The following RAPGEF4 variants were observed in gnomAD, a reference collection of about 807,000 sequenced individuals.
The protein encoded by RAPGEF4 is RAP guanine-nucleotide-exchange factor (GEF) 4.
In RAPGEF4, 66 loss-of-function variants were observed where a neutral mutation model predicts 147.9. The observed-to-expected ratio is 0.45, with a 90% CI of 0.37 to 0.55. The LOEUF (loss-of-function observed/expected upper bound fraction) is 0.55. Among genes scored for constraint, RAPGEF4 ranks in the 20% least tolerant of loss-of-function variants. The probability of loss-of-function intolerance (pLI) is 0.00; values close to 1 mark genes in which losing one functional copy is unlikely to be tolerated. For missense variants in RAPGEF4, 1,071 were observed against 1,257.3 expected, an observed-to-expected ratio of 0.85 and a Z score of 2.24; for synonymous variants, 419 against 442.7, an observed-to-expected ratio of 0.95 and a Z score of 0.67.
At chr2:172,754,247 A>G (rs1695559882) in intron 1 of RAPGEF4, among the ~76,000 whole-genome samples, 1 of 152,204 alleles carries the variant, frequency 6.6e-6, no homozygotes, top group African/African-American at 2.4e-5. Flanking sequence ...ATCATTTCCC[A>G]GGTTATTAAC....
intron 1 of RAPGEF4, among the ~76,000 whole-genome samples, chr2:172,788,391 G>A (rs1685458776): frequency 6.6e-6 from 1 of 152,166 alleles, no homozygotes; most frequent in Non-Finnish European, 1.5e-5. Context: ...CTCCAAGAAG[G>A]GAGTGAAATC....
At chr2:172,858,295 A>G (rs1445756490) in intron 4 of RAPGEF4, among the ~76,000 whole-genome samples, 1 of 152,106 alleles carries the variant, frequency 6.6e-6, no homozygotes, top group Non-Finnish European at 1.5e-5. Flanking sequence ...TTTATGATGT[A>G]TTTTCAAAGT....
intron 6 of RAPGEF4, among the ~76,000 whole-genome samples, chr2:172,922,589 A>G (rs2150055315): frequency 6.6e-6 from 1 of 152,252 alleles, no homozygotes; most frequent in East Asian, 1.9e-4. Flanking sequence ...GATGATGCAT[A>G]CATGGCAGTC....
chr2:172,907,790 A>C (rs1699767660), intron 4 of RAPGEF4, among the ~76,000 whole-genome samples: 1 of 152,134 alleles, frequency 6.6e-6, no homozygotes, highest in Admixed American at 6.5e-5. Context: ...GGGTTCACTT[A>C]ATCCTTGGTT....
At chr2:173,019,522 A>G (rs1027643630) in intron 22 of RAPGEF4, among the ~76,000 whole-genome samples, 1 of 152,240 alleles carries the variant, frequency 6.6e-6, no homozygotes. Flanking sequence ...GTGAGAGACT[A>G]GAGGAAGCAA....
intron 3 of RAPGEF4, among the ~76,000 whole-genome samples, chr2:172,800,255 C>G (rs1686834044): frequency 6.6e-6 from 1 of 152,128 alleles, no homozygotes; most frequent in South Asian, 2.1e-4. Context: ...ACTCCTACAC[C>G]CTCTAGCCCT....
Position 173,017,470 on chromosome 2 carries a change from C to A in RAPGEF4, c.1974C>A (p.Ala658=). The change falls in exon 21 of 31, where the codon GCC becomes GCA. Residue 658 remains alanine (A), a synonymous_variant. Transcript: ENST00000397081. ...LQQFNTGDER[A]QKRQPIRGSD... Reference sequence around the variant, plus strand: ...AGTTCAATACGGGCGATGAGAGAGCCCAGAAGCGCCAGCCTATCCGCGGCT... The same window carrying A: ...AGTTCAATACGGGCGATGAGAGAGCACAGAAGCGCCAGCCTATCCGCGGCT... 6.2e-7 allele frequency: 1 copy of A among 1,614,114 alleles called. No individual in the cohort carries two copies.
At chr2:172,883,956 A>G (rs949082000) in intron 4 of RAPGEF4, among the ~76,000 whole-genome samples, 2 of 152,210 alleles carry the variant, frequency 1.3e-5, no homozygotes, top group Admixed American at 6.5e-5. Flanking sequence ...GAGAAATTAT[A>G]TCTACGGTCA....
At chr2:172,875,235 G>A (rs554354821) in intron 4 of RAPGEF4, among the ~76,000 whole-genome samples, 1 of 152,156 alleles carries the variant, frequency 6.6e-6, no homozygotes, top group Non-Finnish European at 1.5e-5. Flanking sequence ...TTGCTGTGCA[G>A]AAGCTCTTTA....
intron 1 of RAPGEF4, among the ~76,000 whole-genome samples, chr2:172,743,424 A>G (rs1354652696): frequency 6.6e-6 from 1 of 152,162 alleles, no homozygotes; most frequent in Non-Finnish European, 1.5e-5. Flanking sequence ...TTTTCTCTCC[A>G]TGCCAGCTCT....
chr2:172,794,556 C>T (rs1473308072), intron 1 of RAPGEF4, among the ~76,000 whole-genome samples: 2 of 152,122 alleles, frequency 1.3e-5, no homozygotes, highest in Admixed American at 6.6e-5. Flanking sequence ...GGAGAATCAC[C>T]AACACTGAGG....
rs114868757 is a variant in RAPGEF4, at chr2:172,908,771, A to T, written c.445-9031A>T. Among the ~76,000 whole-genome samples, 654 of 152,190 alleles carry T rather than the reference A, an allele frequency of 4.3e-3. 5 individuals carry two copies. Among genetic ancestry groups the T allele is most frequent in the African/African-American group, 0.015 (622 of 41,510 alleles). ...GTGTGGTGTGCCCTCGGCTGAGGGTACTCCAGGGAGTACAGATTCTACAGA... is the reference window on the plus strand; with the variant it reads ...GTGTGGTGTGCCCTCGGCTGAGGGTTCTCCAGGGAGTACAGATTCTACAGA... On this transcript the variant is annotated intron_variant, in intron 4 of 30. Coordinates refer to ENST00000397081, the MANE Select transcript of RAPGEF4 (RefSeq NM_007023.4).
At chr2:173,014,758 A>G in intron 18 of RAPGEF4, 144 bp downstream of exon 18, 1 of 806,538 alleles carries the variant, frequency 1.2e-6, no homozygotes, top group Admixed American at 3.8e-5. Context: ...AAGGAACTAC[A>G]GAAAAAGTAA....
At chr2:172,923,561 C>T (rs1156619986) in intron 6 of RAPGEF4, among the ~76,000 whole-genome samples, 1 of 152,210 alleles carries the variant, frequency 6.6e-6, no homozygotes, top group East Asian at 1.9e-4. Flanking sequence ...AGCCACCACA[C>T]CTGGCCAGAC....
chr2:172,981,546 G>T (rs2105649288), intron 10 of RAPGEF4, among the ~76,000 whole-genome samples: 1 of 152,318 alleles, frequency 6.6e-6, no homozygotes, highest in East Asian at 1.9e-4. Context: ...GTCCCTCAGT[G>T]GTGACCTTTA....
intron 1 of RAPGEF4, among the ~76,000 whole-genome samples, chr2:172,781,689 C>T (rs368927307): frequency 1.1e-3 from 169 of 152,230 alleles, no homozygotes; most frequent in African/African-American, 3.7e-3. Flanking sequence ...TGCAGACGCT[C>T]GAGACCCTGA....
intron 10 of RAPGEF4, among the ~76,000 whole-genome samples, chr2:172,981,896 A>G (rs1301098265): frequency 6.6e-6 from 1 of 152,230 alleles, no homozygotes; most frequent in Non-Finnish European, 1.5e-5. Context: ...TAGCAGACCA[A>G]ATGTCATAGT....
Position 172,967,555 on chromosome 2 carries a change from G to A in RAPGEF4, c.1004+111G>A. Reference sequence around the variant, plus strand: ...CTCAAAAGCCCTGGCCATCCCCCATGGAACAAAAGGGAGCAGCTGAAGGGT... The same window carrying A: ...CTCAAAAGCCCTGGCCATCCCCCATAGAACAAAAGGGAGCAGCTGAAGGGT... On this transcript the variant is annotated intron_variant, in intron 10 of 30. Transcript: ENST00000397081. 3 of 1,106,220 alleles carry A rather than the reference G, an allele frequency of 2.7e-6. No homozygotes were observed. In the South Asian group the frequency reaches 5.5e-5, roughly 20 times the overall value. 68.5% of individuals were successfully genotyped at this position (1,106,220 alleles called of 1,614,324 possible). A position where few individuals can be genotyped will look rare whatever the true frequency, so the allele number is the denominator to read the frequency against.
chr2:172,870,440 G>GA (rs1325521407), intron 4 of RAPGEF4, among the ~76,000 whole-genome samples: 1 of 152,038 alleles, frequency 6.6e-6, no homozygotes, highest in Non-Finnish European at 1.5e-5. Flanking sequence ...ATGAGAGAGG[G>GA]AAAAAATGCC....
Sources: gnomAD v4.1 joint callset for allele counts (sites outside exome capture counted in the v4.1 genomes callset) on GRCh38, gnomAD v4.1.1 for gene constraint, MANE v1.5 for transcripts, NCBI Gene and HGNC (gene_info 2026-07-23, HGNC 2026-07-21) for gene names.